Variants in AP3B1 observed in about 807,000 individuals in gnomAD.
The protein encoded by AP3B1 is AP-3 complex subunit beta-1.
Under a neutral mutation model 132.5 loss-of-function variants are expected in AP3B1, and 61 were observed. That is an observed-to-expected ratio of 0.46 (90% CI 0.37 to 0.57). The LOEUF (loss-of-function observed/expected upper bound fraction) is 0.57, where lower values mean the gene tolerates loss of function less well. AP3B1 is among the 20% of genes least tolerant of loss of function. AP3B1 has a pLI of 0.00. For missense variants in AP3B1, 1,120 were observed against 1,289.4 expected, an observed-to-expected ratio of 0.87 and a Z score of 2.01; for synonymous variants, 388 against 438.3, an observed-to-expected ratio of 0.89 and a Z score of 1.43.
chr5:78,284,505 A>G (rs1452128674), intron 1 of AP3B1, among the ~76,000 whole-genome samples: 1 of 152,216 alleles, frequency 6.6e-6, no homozygotes, highest in East Asian at 1.9e-4. Context: ...TTTAACTACA[A>G]TTTGTCCTAA....
chr5:78,184,550 TG>T (rs376987879), intron 7 of AP3B1, among the ~76,000 whole-genome samples: 1,610 of 150,664 alleles, frequency 0.011, 33 homozygotes, highest in African/African-American at 0.037. Context: ...TAGCCAGGCA[TG>T]GTGGTGGGTG....
At chr5:78,007,390 C>T (rs1393924206) in intron 26 of AP3B1, among the ~76,000 whole-genome samples, 1 of 151,802 alleles carries the variant, frequency 6.6e-6, no homozygotes, top group Non-Finnish European at 1.5e-5. Context: ...GCTTTCTGTT[C>T]TACTGGTTAC....
intron 11 of AP3B1, among the ~76,000 whole-genome samples, chr5:78,172,500 T>A (rs1389831022): frequency 2.6e-5 from 4 of 152,234 alleles, no homozygotes; most frequent in Non-Finnish European, 5.9e-5. Flanking sequence ...CCATTTCTTC[T>A]AGATTTTCTA....
intron 18 of AP3B1, among the ~76,000 whole-genome samples, chr5:78,114,423 T>C (rs986693370): frequency 6.6e-5 from 10 of 152,044 alleles, no homozygotes; most frequent in South Asian, 4.1e-4. Flanking sequence ...TCAAAGACAA[T>C]AGGCAAAATG....
chr5:78,270,697 T>C (rs958395632), intron 1 of AP3B1, among the ~76,000 whole-genome samples: 1 of 151,936 alleles, frequency 6.6e-6, no homozygotes, highest in African/African-American at 2.4e-5. Flanking sequence ...CCAAAGGGAG[T>C]GGCCCTCATA....
At chr5:78,157,642 T>C (rs939619861) in intron 13 of AP3B1, among the ~76,000 whole-genome samples, 1 of 152,218 alleles carries the variant, frequency 6.6e-6, no homozygotes, top group African/African-American at 2.4e-5. Context: ...CCTTTACTTA[T>C]TATTTTGATA....
chr5:78,022,520 T>C (rs55640640), intron 24 of AP3B1, among the ~76,000 whole-genome samples: 27,208 of 152,198 alleles, frequency 0.18, 2,977 homozygotes, highest in Admixed American at 0.28. Context: ...TCCCAGTTTA[T>C]GGCTGTTGTT....
chr5:78,136,056 T>C (rs946163365), intron 15 of AP3B1, among the ~76,000 whole-genome samples: 1 of 152,104 alleles, frequency 6.6e-6, no homozygotes, highest in Non-Finnish European at 1.5e-5. Flanking sequence ...GCATCCTACT[T>C]AGAAAATCTC....
intron 7 of AP3B1, among the ~76,000 whole-genome samples, chr5:78,199,954 T>C (rs1745224673): frequency 6.6e-6 from 1 of 152,286 alleles, no homozygotes; most frequent in South Asian, 2.1e-4. Context: ...AATTATAGGA[T>C]ACACTGAGTC....
intron 1 of AP3B1, among the ~76,000 whole-genome samples, chr5:78,284,208 A>G (rs951196855): frequency 6.6e-6 from 1 of 152,258 alleles, no homozygotes; most frequent in African/African-American, 2.4e-5. Flanking sequence ...AAATTTAAAT[A>G]GCTACATTTG....
chr5:78,157,908 G>A (rs184500196), intron 13 of AP3B1, among the ~76,000 whole-genome samples: 23 of 151,964 alleles, frequency 1.5e-4, no homozygotes, highest in African/African-American at 5.1e-4. Context: ...GCGCCACCAC[G>A]CCTGGCTAAT....
At chr5:78,227,089 A>G (rs969586802) in intron 5 of AP3B1, among the ~76,000 whole-genome samples, 1 of 152,160 alleles carries the variant, frequency 6.6e-6, no homozygotes, top group African/African-American at 2.4e-5. Context: ...GACTATATAA[A>G]TGAGAATTCA....
At chr5:78,262,854 G>A (rs1422908550) in intron 2 of AP3B1, among the ~76,000 whole-genome samples, 1 of 151,860 alleles carries the variant, frequency 6.6e-6, no homozygotes, top group Non-Finnish European at 1.5e-5. Context: ...TAGTTTTGTG[G>A]AGACAAGGTC....
chr5:78,233,027 A>G (rs998150296), intron 3 of AP3B1, among the ~76,000 whole-genome samples: 5 of 152,040 alleles, frequency 3.3e-5, no homozygotes, highest in South Asian at 2.1e-4. Context: ...ATGTTTTTCA[A>G]TTGCTAACAC....
intron 1 of AP3B1, among the ~76,000 whole-genome samples, chr5:78,279,931 A>T (rs1231516272): frequency 7.7e-6 from 1 of 129,034 alleles, no homozygotes; most frequent in East Asian, 2.1e-4. Flanking sequence ...TATATATATT[A>T]GCCAGGCATG....
Position 78,089,469 on chromosome 5 carries a change from G to T in AP3B1, c.2501C>A (p.Pro834His). The T allele has an allele frequency of 6.2e-7, 1 of 1,613,230 alleles. No individual in the cohort carries two copies. Among genetic ancestry groups the T allele is most frequent in the Non-Finnish European group, 8.5e-7 (1 of 1,179,292 alleles). ...CAAACTTGGAGAAAGAGCTGGTGTG[G>T]GAAGTGCAACTGGAGTGGATACTGG... Reference protein sequence around the residue: ...FNPVSTPVALPTPALSPSLMA... With the variant: ...FNPVSTPVALHTPALSPSLMA... The change falls in exon 22 of 27, where the codon CCC becomes CAC. Residue 834 changes from proline to histidine, a missense_variant. This residue lies in a region of AP3B1 where 906 missense variants were observed against 997.1 expected (regional missense o/e 0.91). Transcript: ENST00000255194.
chr5:78,004,010 A>G (rs1746292571), intron 26 of AP3B1, among the ~76,000 whole-genome samples: 1 of 152,144 alleles, frequency 6.6e-6, no homozygotes, highest in African/African-American at 2.4e-5. Flanking sequence ...TGCAGGGATG[A>G]CTGGAGAAAA....
At position 78,199,507 on chromosome 5, in the gene AP3B1, A is replaced by G. The variant is rs372572853; in HGVS notation, c.786+16548T>C. Reference sequence around the variant, plus strand: ...TCATAAATTATGAAACAAAATTACAATGATCCTAAGTAGAACTAATCATGA... The same window carrying G: ...TCATAAATTATGAAACAAAATTACAGTGATCCTAAGTAGAACTAATCATGA... On this transcript the variant is annotated intron_variant, in intron 7 of 26. Transcript: ENST00000255194. Among the ~76,000 whole-genome samples, 3 of 152,320 alleles carry G rather than the reference A, an allele frequency of 2.0e-5. No individual in the cohort carries two copies. The South Asian group carries it at 6.2e-4, about 32-fold the overall frequency.
intron 21 of AP3B1, among the ~76,000 whole-genome samples, chr5:78,096,871 G>A (rs1409717736): frequency 4.7e-5 from 7 of 149,468 alleles, no homozygotes; most frequent in East Asian, 4.1e-4. Context: ...CAGCCGCCCC[G>A]TCCGGGAGGG....
Sources: gnomAD v4.1 joint callset for allele counts (sites outside exome capture counted in the v4.1 genomes callset) on GRCh38, gnomAD v4.1.1 for gene constraint, gnomAD v4.1.1 regional missense constraint, MANE v1.5 for transcripts, NCBI Gene and HGNC (gene_info 2026-07-23, HGNC 2026-07-21) for gene names.